EIF4E: variants seen among roughly 807,000 people sequenced by gnomAD.
EIF4E encodes the protein eukaryotic translation initiation factor 4E, also known as eIF-4F 25 kDa subunit.
For missense variants in EIF4E, 113 were observed against 265.6 expected (o/e 0.43, Z 3.99); for synonymous variants, 71 against 88.5 (o/e 0.80, Z 1.11).
At chr4:98,917,133 CA>C (rs756226013) in intron 1 of EIF4E, among the ~76,000 whole-genome samples, 8 of 55,244 alleles carry the variant, frequency 1.4e-4, no homozygotes, top group Non-Finnish European at 2.5e-4. Context: ...CACACACACA[CA>C]AAAAAAACCC....
chr4:98,928,248 C>G (rs774406214), intron 1 of EIF4E, among the ~76,000 whole-genome samples: 11 of 152,050 alleles, frequency 7.2e-5, no homozygotes, highest in Non-Finnish European at 1.3e-4. Context: ...GCAAGCCGAC[C>G]GGCTACAGCG....
At position 98,879,787 on chromosome 4, in the gene EIF4E, TAA is replaced by T. The variant is rs1030017585; in HGVS notation, c.*1239_*1240del. ...CCAATTCTCATGAGTATTAACATAT[TAA>T]GAGAGTACATTATTTACCTAAGACT... On this transcript the variant is annotated 3_prime_UTR_variant, in exon 7 of 7. Transcript: ENST00000450253. 1.3e-5 allele frequency: 2 copies of T among 152,142 alleles called. No individual in the cohort carries two copies. Among genetic ancestry groups the T allele is most frequent in the African/African-American group, 4.8e-5 (2 of 41,460 alleles). 9.4% of individuals were successfully genotyped at this position (152,142 alleles called of 1,614,324 possible). A position where few individuals can be genotyped will look rare whatever the true frequency, so the allele number is the denominator to read the frequency against.
chr4:98,903,360 G>GTT (rs377361249), intron 1 of EIF4E: 4,398 of 381,010 alleles, frequency 0.012, 3 homozygotes, highest in Non-Finnish European at 0.015. Context: ...AAGAATATGG[G>GTT]TTTTTTTTTT....
At chr4:98,909,387 A>G (rs1405231354) in intron 1 of EIF4E, 1 of 378,956 alleles carries the variant, frequency 2.6e-6, no homozygotes, top group Non-Finnish European at 4.7e-6. Context: ...TTTGTCATTC[A>G]TTTGACAAAT....
chr4:98,892,554 T>C (rs1281685522), intron 2 of EIF4E, among the ~76,000 whole-genome samples: 1 of 149,592 alleles, frequency 6.7e-6, no homozygotes, highest in Non-Finnish European at 1.5e-5. Context: ...TGGTGGTATG[T>C]GCCTGTAATT....
chr4:98,885,038 A>G lies in EIF4E; in HGVS notation c.423T>C (p.Ser141=). ...ATACATCATCACTGTAGTCATCAAA[A>G]GATTCTCCAATAAGGCACAGAAGCT... ...LETLLCLIGE[S]FDDYSDDVCG... is the part of the protein sequence containing the mutation. Residue 141 remains serine (S), a synonymous_variant, in exon 6 of 7, where the codon TCT becomes TCC. Transcript: ENST00000450253. 2 of 1,613,370 alleles carry G rather than the reference A, an allele frequency of 1.2e-6. No homozygotes were observed. The highest frequency in any genetic ancestry group is 2.2e-5 in the South Asian group (2 of 90,962).
intron 1 of EIF4E, among the ~76,000 whole-genome samples, chr4:98,911,686 A>AG (rs1725146798): frequency 7.4e-6 from 1 of 134,572 alleles, no homozygotes; most frequent in Non-Finnish European, 1.6e-5. Context: ...AAAAAAAAAA[A>AG]GAAGACTTGT....
intron 1 of EIF4E, among the ~76,000 whole-genome samples, chr4:98,922,850 C>CTTTTTTTTT (rs112293850): frequency 7.3e-6 from 1 of 136,702 alleles, no homozygotes. Flanking sequence ...TTTCTTTTTT[C>CTTTTTTTTT]TTTTTTTTTT....
At chr4:98,922,856 T>TC (rs1560656438) in intron 1 of EIF4E, among the ~76,000 whole-genome samples, 2 of 150,606 alleles carry the variant, frequency 1.3e-5, no homozygotes, top group African/African-American at 4.9e-5. Context: ...TTTTCTTTTT[T>TC]TTTTTTTTTG....
At chr4:98,921,576 C>T (rs919485083) in intron 1 of EIF4E, among the ~76,000 whole-genome samples, 6 of 151,762 alleles carry the variant, frequency 4.0e-5, no homozygotes, top group African/African-American at 7.3e-5. Flanking sequence ...CAGTAATGAG[C>T]AGAGCACAGA....
intron 1 of EIF4E, among the ~76,000 whole-genome samples, chr4:98,924,271 G>C (rs1423035115): frequency 6.6e-6 from 1 of 151,976 alleles, no homozygotes; most frequent in African/African-American, 2.4e-5. Context: ...TAGAGGTGGG[G>C]TTTCACCATG....
chr4:98,923,588 T>C (rs1725741096), intron 1 of EIF4E, among the ~76,000 whole-genome samples: 1 of 152,178 alleles, frequency 6.6e-6, no homozygotes, highest in African/African-American at 2.4e-5. Context: ...TCGGATTACA[T>C]GTGTGGGCCA....
At chr4:98,910,154 G>A (rs548291915) in intron 1 of EIF4E, among the ~76,000 whole-genome samples, 1 of 152,132 alleles carries the variant, frequency 6.6e-6, no homozygotes, top group South Asian at 2.1e-4. Context: ...CATCACTCAT[G>A]AAAGTGTGGC....
At chr4:98,923,785 G>A (rs1422154690) in intron 1 of EIF4E, among the ~76,000 whole-genome samples, 1 of 152,188 alleles carries the variant, frequency 6.6e-6, no homozygotes, top group Non-Finnish European at 1.5e-5. Flanking sequence ...CAAGAAAAGA[G>A]GGAAAATAGT....
chr4:98,924,095 T>C (rs1408798760), intron 1 of EIF4E, among the ~76,000 whole-genome samples: 3 of 151,546 alleles, frequency 2.0e-5, no homozygotes, highest in Non-Finnish European at 2.9e-5. Flanking sequence ...TTTTTTTTTT[T>C]GAGACGGAGT....
At chr4:98,905,105 CA>C (rs1199473046) in intron 1 of EIF4E, among the ~76,000 whole-genome samples, 1 of 151,766 alleles carries the variant, frequency 6.6e-6, no homozygotes, top group Non-Finnish European at 1.5e-5. Context: ...AGTTTAAAAA[CA>C]AAACTCTACT....
intron 6 of EIF4E, among the ~76,000 whole-genome samples, chr4:98,884,118 T>C (rs1170660300): frequency 2.0e-5 from 3 of 151,976 alleles, no homozygotes; most frequent in African/African-American, 4.8e-5. Flanking sequence ...ATGTGGGTTT[T>C]AAACATGGAA....
chr4:98,928,902 T>G (rs371657287), intron 1 of EIF4E, 193 bp downstream of exon 1: 3 of 1,558,874 alleles, frequency 1.9e-6, no homozygotes, highest in Non-Finnish European at 2.6e-6. Context: ...CACCAGAAAG[T>G]GTGCGCTACA....
At chr4:98,920,798 C>T (rs1725613413) in intron 1 of EIF4E, among the ~76,000 whole-genome samples, 1 of 152,036 alleles carries the variant, frequency 6.6e-6, no homozygotes, top group Admixed American at 6.6e-5. Context: ...AAAATTTAAC[C>T]CTCCTAATCC....
Sources: gnomAD v4.1 joint callset for allele counts (sites outside exome capture counted in the v4.1 genomes callset) on GRCh38, gnomAD v4.1.1 for gene constraint, MANE v1.5 for transcripts, NCBI Gene and HGNC (gene_info 2026-07-23, HGNC 2026-07-21) for gene names.